The following TMC1 variants were observed in gnomAD, a reference collection of about 807,000 sequenced individuals.
The protein encoded by TMC1 is transmembrane channel like 1.
Under a neutral mutation model 105.8 loss-of-function variants are expected in TMC1, and 84 were observed. The ratio of observed to expected loss-of-function variants is 0.79; its 90% CI spans 0.67 to 0.95. The LOEUF (loss-of-function observed/expected upper bound fraction) is 0.95. Among genes scored for constraint, TMC1 ranks in the 40% least tolerant of loss-of-function variants. The probability of loss-of-function intolerance (pLI) is 0.00; values close to 1 mark genes in which losing one functional copy is unlikely to be tolerated. For missense variants in TMC1, 817 were observed against 914.1 expected (o/e 0.89, Z 1.37); for synonymous variants, 315 against 311.5 (o/e 1.01, Z -0.12).
chr9:72,826,534 G>A (rs763584816), intron 20 of TMC1, among the ~76,000 whole-genome samples: 3 of 152,198 alleles, frequency 2.0e-5, no homozygotes, highest in Non-Finnish European at 4.4e-5. Context: ...TCTCCTACAA[G>A]AGCAGCTGAC....
At chr9:72,538,991 C>T (rs529534623) in intron 1 of TMC1, among the ~76,000 whole-genome samples, 3 of 152,218 alleles carry the variant, frequency 2.0e-5, no homozygotes, top group South Asian at 4.2e-4. Context: ...TTGGGATCTC[C>T]TTGACCAAGG....
intron 8 of TMC1, among the ~76,000 whole-genome samples, chr9:72,738,803 A>G (rs539265759): frequency 2.0e-5 from 3 of 152,132 alleles, no homozygotes; most frequent in African/African-American, 7.2e-5. Flanking sequence ...CTGTAAAACC[A>G]CATATTCCAG....
chr9:72,583,395 T>C (rs945216585), intron 2 of TMC1, among the ~76,000 whole-genome samples: 11 of 152,244 alleles, frequency 7.2e-5, no homozygotes, highest in African/African-American at 2.7e-4. Flanking sequence ...ATCTTTATTA[T>C]TTAAGAGCAG....
intron 2 of TMC1, among the ~76,000 whole-genome samples, chr9:72,600,400 C>T (rs1824788097): frequency 6.6e-6 from 1 of 152,142 alleles, no homozygotes; most frequent in Non-Finnish European, 1.5e-5. Context: ...CTGGTGAATA[C>T]TAGGCTGTGT....
chr9:72,794,584 G>T (rs943778624), intron 17 of TMC1, among the ~76,000 whole-genome samples: 6 of 152,138 alleles, frequency 3.9e-5, no homozygotes, highest in African/African-American at 1.4e-4. Flanking sequence ...CCTGTGCAAA[G>T]CCTTGGCCCA....
At chr9:72,748,385 C>T (rs1827527500) in intron 10 of TMC1, among the ~76,000 whole-genome samples, 1 of 152,168 alleles carries the variant, frequency 6.6e-6, no homozygotes. Context: ...TTGATTCAGT[C>T]AACAACTGTG....
chr9:72,770,419 G>GT lies in TMC1; in HGVS notation c.742-1977dup, dbSNP rs367957982. Among the ~76,000 whole-genome samples the GT allele has an allele frequency of 8.5e-3, 1,027 of 120,448 alleles. 16 individuals are homozygous for GT. The highest frequency in any genetic ancestry group is 0.023 in the African/African-American group (725 of 31,962). The allele number at this position is 120,448 out of a possible 152,430, so 79.0% of individuals were successfully genotyped here. A position where few individuals can be genotyped will look rare whatever the true frequency, so the allele number is the denominator to read the frequency against. On this transcript the variant is annotated intron_variant, in intron 12 of 23. Transcript: ENST00000297784. ...TATATATGCATATAAAATTTGTTGG[G>GT]TTTTTTTTTTTTTTTTTGAGACGGG...
intron 18 of TMC1, among the ~76,000 whole-genome samples, chr9:72,807,136 G>A (rs141026390): frequency 0.014 from 2,131 of 152,264 alleles, 48 homozygotes; most frequent in African/African-American, 0.048. Flanking sequence ...GCCTGCAATC[G>A]CAGGCACTCG....
At chr9:72,834,443 C>T (rs2118343693) in intron 23 of TMC1, among the ~76,000 whole-genome samples, 1 of 152,188 alleles carries the variant, frequency 6.6e-6, no homozygotes, top group African/African-American at 2.4e-5. Flanking sequence ...GGCTTGTGGG[C>T]AGATCCTCAT....
chr9:72,779,531 C>T (rs1301223754), intron 13 of TMC1, among the ~76,000 whole-genome samples: 1 of 152,146 alleles, frequency 6.6e-6, no homozygotes, highest in Non-Finnish European at 1.5e-5. Context: ...TAAAACAATA[C>T]AAGAGCTGAA....
chr9:72,784,457 T>G (rs1259861935), intron 13 of TMC1, among the ~76,000 whole-genome samples: 1 of 152,130 alleles, frequency 6.6e-6, no homozygotes, highest in Non-Finnish European at 1.5e-5. Context: ...CTGGCATGAC[T>G]GTGGAGAAAA....
chr9:72,607,346 G>A lies in TMC1; in HGVS notation c.-305-9022G>A, dbSNP rs1471994733. On this transcript the variant is annotated intron_variant, in intron 2 of 23. Transcript: ENST00000297784. ...GAACTAATGAAGATTATTGCCAGGC[G>A]TGGTGGCTCACGCCTGTAATCCCAG... Among the ~76,000 whole-genome samples the A allele has an allele frequency of 1.7e-4, 26 of 152,222 alleles. 1 individual carries two copies. Among genetic ancestry groups the A allele is most frequent in the African/African-American group, 5.8e-4 (24 of 41,562 alleles).
At chr9:72,633,222 C>A (rs190595033) in intron 4 of TMC1, among the ~76,000 whole-genome samples, 2 of 152,270 alleles carry the variant, frequency 1.3e-5, no homozygotes, top group Admixed American at 6.5e-5. Context: ...CTTGGCCCTA[C>A]CTTTTCTGCT....
chr9:72,703,145 A>T (rs1826674093), intron 8 of TMC1, among the ~76,000 whole-genome samples: 1 of 150,986 alleles, frequency 6.6e-6, no homozygotes, highest in Non-Finnish European at 1.5e-5. Flanking sequence ...TTTTTTCTCG[A>T]GACAGGGTCT....
chr9:72,607,273 G>A (rs1009659721), intron 2 of TMC1, among the ~76,000 whole-genome samples: 5 of 152,122 alleles, frequency 3.3e-5, no homozygotes, highest in African/African-American at 1.2e-4. Flanking sequence ...AAGAAGCACA[G>A]ATTGATTTCT....
chr9:72,622,941 A>G (rs909333964), intron 3 of TMC1, among the ~76,000 whole-genome samples: 6 of 151,422 alleles, frequency 4.0e-5, no homozygotes, highest in African/African-American at 1.5e-4. Context: ...AATCCCAGCT[A>G]CTCGGGAGGC....
At chr9:72,586,490 T>G (rs1824555832) in intron 2 of TMC1, among the ~76,000 whole-genome samples, 1 of 152,154 alleles carries the variant, frequency 6.6e-6, no homozygotes, top group African/African-American at 2.4e-5. Context: ...CTGCTAGCCT[T>G]GGTGCAAAGT....
intron 1 of TMC1, among the ~76,000 whole-genome samples, chr9:72,535,960 C>A (rs1475300763): frequency 2.0e-5 from 3 of 152,172 alleles, no homozygotes; most frequent in Non-Finnish European, 2.9e-5. Context: ...TCTCATTAGG[C>A]CCCACCTCCA....
At chr9:72,524,448 A>G (rs1823370769) in intron 1 of TMC1, among the ~76,000 whole-genome samples, 1 of 152,188 alleles carries the variant, frequency 6.6e-6, no homozygotes, top group Non-Finnish European at 1.5e-5. Context: ...GTTCACTTTT[A>G]TTACTAGTAA....
Sources: allele counts gnomAD v4.1 joint callset (sites outside exome capture counted in the v4.1 genomes callset), GRCh38; gene constraint gnomAD v4.1.1; transcripts MANE v1.5; gene names NCBI Gene and HGNC (gene_info 2026-07-23, HGNC 2026-07-21).